The following CCDC171 variants were observed in gnomAD, a reference collection of about 807,000 sequenced individuals.
CCDC171 encodes coiled-coil domain-containing protein 171.
A neutral mutation model predicts 168.2 loss-of-function variants in CCDC171; 177 were observed. The observed-to-expected ratio is 1.05, with a 90% CI of 0.93 to 1.19. The LOEUF (loss-of-function observed/expected upper bound fraction) is 1.19. Ranked by LOEUF, CCDC171 falls within the 50% of genes most tolerant of loss-of-function variation. The pLI is 0.00. For synonymous variants in CCDC171, 687 were observed against 540.8 expected (o/e 1.27, Z -3.75); for missense variants, 1,991 against 1,539.0 (o/e 1.29, Z -4.91).
Position 15,777,814 on chromosome 9 carries a change from T to C in CCDC171, c.2886T>C (p.His962=), listed in dbSNP as rs765999481. ...TLALKYGLRG[H]VPITKSTASL... is the part of the protein sequence containing the mutation. Reference sequence around the variant, plus strand: ...CCCTGAAATATGGTTTGCGTGGCCATGTGCCCATTACGGTATGTATACACT... The same window carrying C: ...CCCTGAAATATGGTTTGCGTGGCCACGTGCCCATTACGGTATGTATACACT... The change falls in exon 19 of 26, where the codon CAT becomes CAC. Residue 962 remains histidine, a synonymous_variant. Transcript: ENST00000380701. 5 of 1,607,056 alleles carry C rather than the reference T, an allele frequency of 3.1e-6. No homozygotes were observed. The highest frequency in any genetic ancestry group is 2.2e-5 in the South Asian group (2 of 89,448).
At chr9:15,793,366 A>G (rs191098695) in intron 21 of CCDC171, among the ~76,000 whole-genome samples, 1 of 151,984 alleles carries the variant, frequency 6.6e-6, no homozygotes, top group Non-Finnish European at 1.5e-5. Context: ...CTCCCACACA[A>G]TAATAATGGG....
chr9:16,019,620 A>G (rs947426627), intron 3 of CCDC171, among the ~76,000 whole-genome samples: 4 of 152,062 alleles, frequency 2.6e-5, no homozygotes, highest in African/African-American at 7.2e-5. Flanking sequence ...GAGAAATCTC[A>G]CCTTTTTTGG....
At chr9:15,766,422 A>G (rs2056726687) in intron 18 of CCDC171, among the ~76,000 whole-genome samples, 1 of 150,834 alleles carries the variant, frequency 6.6e-6, no homozygotes, top group African/African-American at 2.4e-5. Context: ...ATTTTAATTT[A>G]TATATATGTA....
At chr9:15,984,811 G>A (rs545830257) in intron 3 of CCDC171, among the ~76,000 whole-genome samples, 11 of 152,180 alleles carry the variant, frequency 7.2e-5, no homozygotes, top group African/African-American at 2.4e-4. Flanking sequence ...TCACAACAGA[G>A]CAGAAATGGG....
chr9:16,044,640 A>C (rs1183535537), intron 1 of CCDC171, among the ~76,000 whole-genome samples: 1 of 152,090 alleles, frequency 6.6e-6, no homozygotes, highest in Non-Finnish European at 1.5e-5. Context: ...ACACAGGCAA[A>C]AATTTCCCTT....
intron 24 of CCDC171, among the ~76,000 whole-genome samples, chr9:15,902,596 C>T (rs1335821553): frequency 6.6e-6 from 1 of 152,082 alleles, no homozygotes; most frequent in Non-Finnish European, 1.5e-5. Flanking sequence ...TCTACAGCTC[C>T]CAGCATGAGC....
Position 15,797,720 on chromosome 9 carries a change from A to ATT in CCDC171, c.3267+13026_3267+13027insTT, listed in dbSNP as rs1374718112. The stretch of plus-strand genomic sequence containing the variant: ...TCCATATTCTAACTTTTATTGTTGT[A>ATT]GTTGATCCTTTTTATATTTCATCTA... On this transcript the variant is annotated intron_variant, in intron 21 of 25. Coordinates refer to ENST00000380701, the MANE Select transcript of CCDC171 (RefSeq NM_173550.4). 3.3e-5 allele frequency among the ~76,000 whole-genome samples: 5 copies of ATT among 152,172 alleles called. No homozygotes were observed. In the East Asian group the frequency reaches 9.6e-4, roughly 29 times the overall value.
At chr9:15,668,052 C>G (rs1029852769) in intron 9 of CCDC171, among the ~76,000 whole-genome samples, 1 of 152,158 alleles carries the variant, frequency 6.6e-6, no homozygotes, top group Non-Finnish European at 1.5e-5. Flanking sequence ...GAATATAGTG[C>G]AGATTTCTTT....
rs745930512 is a variant in CCDC171 at position 15,958,259 on chromosome 9, A to T, written c.3754-13350A>T. Among the ~76,000 whole-genome samples, 47 of 152,020 alleles carry T rather than the reference A, an allele frequency of 3.1e-4. 1 individual carries two copies. Among genetic ancestry groups the T allele is most frequent in the Non-Finnish European group, 5.0e-4 (34 of 68,016 alleles). On this transcript the variant is annotated intron_variant, in intron 25 of 25. Coordinates refer to ENST00000380701, the MANE Select transcript of CCDC171 (RefSeq NM_173550.4). Reference sequence around the variant, plus strand: ...TAGCCTGTGGCTTCAAGGAGTGAACACTCTAAGCCAGCACTATTCATTAGA... The same window carrying T: ...TAGCCTGTGGCTTCAAGGAGTGAACTCTCTAAGCCAGCACTATTCATTAGA...
intron 6 of CCDC171, among the ~76,000 whole-genome samples, chr9:16,032,590 A>C (rs1018263901): frequency 3.9e-5 from 6 of 152,180 alleles, no homozygotes; most frequent in African/African-American, 1.4e-4. Flanking sequence ...ATTGCAAAGC[A>C]CAGATATCCA....
intron 7 of CCDC171, among the ~76,000 whole-genome samples, chr9:15,648,627 A>G (rs755744525): frequency 2.6e-4 from 39 of 152,244 alleles, no homozygotes; most frequent in Non-Finnish European, 5.0e-4. Flanking sequence ...GAGCCAACTC[A>G]TGAGTGAACT....
intron 6 of CCDC171, among the ~76,000 whole-genome samples, chr9:15,604,722 G>T (rs1466685721): frequency 6.6e-6 from 1 of 152,028 alleles, no homozygotes; most frequent in Non-Finnish European, 1.5e-5. Flanking sequence ...GACAATCCAG[G>T]GATTGGGGTG....
intron 21 of CCDC171, among the ~76,000 whole-genome samples, chr9:15,800,085 A>G (rs916068776): frequency 6.6e-6 from 1 of 152,134 alleles, no homozygotes; most frequent in Non-Finnish European, 1.5e-5. Context: ...GTGGGAGTGC[A>G]GATATCTCTT....
chr9:15,674,892 TGA>T (rs377101286), intron 9 of CCDC171, among the ~76,000 whole-genome samples: 1 of 152,322 alleles, frequency 6.6e-6, no homozygotes, highest in East Asian at 1.9e-4. Flanking sequence ...GGTGCAGAGC[TGA>T]GTTCAAGTCC....
intron 7 of CCDC171, among the ~76,000 whole-genome samples, chr9:15,630,695 C>A (rs540821510): frequency 7.7e-4 from 117 of 152,294 alleles, no homozygotes; most frequent in Non-Finnish European, 1.4e-3. Context: ...ATCTACAGAA[C>A]TCTCCACCCC....
At chr9:15,836,339 T>G (rs1366245029) in intron 21 of CCDC171, among the ~76,000 whole-genome samples, 1 of 152,056 alleles carries the variant, frequency 6.6e-6, no homozygotes, top group African/African-American at 2.4e-5. Context: ...TGGAACGCTG[T>G]TGGTCTTGTT....
chr9:15,615,556 T>C (rs924577414), intron 6 of CCDC171, among the ~76,000 whole-genome samples: 1 of 152,220 alleles, frequency 6.6e-6, no homozygotes, highest in Non-Finnish European at 1.5e-5. Context: ...ATATTAAATA[T>C]AGATCAACTA....
chr9:15,745,485 AT>A, intron 17 of CCDC171, 29 bp from the exon 18 acceptor site: 1 of 1,368,430 alleles, frequency 7.3e-7, no homozygotes, highest in East Asian at 2.5e-5. Flanking sequence ...GTTTTGTAGA[AT>A]TTTACAATGG....
rs200894354 is a variant in CCDC171 at position 15,947,823 on chromosome 9, A to T, written c.3754-23786A>T. Among the ~76,000 whole-genome samples, 6 of 149,302 alleles carry T rather than the reference A, an allele frequency of 4.0e-5. 1 individual carries two copies. The East Asian group carries it at 6.0e-4, about 15-fold the overall frequency. ...CTTCCATATTTTTTTTAATTTTTTT[A>T]TTTTTTTTTAATTTATTATTATTTA... On this transcript the variant is annotated intron_variant, in intron 25 of 25. Transcript: ENST00000380701.
Sources: allele counts gnomAD v4.1 joint callset (sites outside exome capture counted in the v4.1 genomes callset), GRCh38; gene constraint gnomAD v4.1.1; transcripts MANE v1.5; gene names NCBI Gene and HGNC (gene_info 2026-07-23, HGNC 2026-07-21).